Variants in NRBP1 observed in about 807,000 individuals in gnomAD.
NRBP1 encodes nuclear receptor-binding protein.
A neutral mutation model predicts 76.0 loss-of-function variants in NRBP1; 10 were observed. The observed-to-expected ratio is 0.13, with a 90% CI of 0.08 to 0.22. NRBP1 has a LOEUF of 0.22. NRBP1 is among the 10% of genes least tolerant of loss of function. NRBP1 has a pLI of 1.00. For synonymous variants in NRBP1, 235 were observed against 240.2 expected, an observed-to-expected ratio of 0.98 and a Z score of 0.20; for missense variants, 344 against 646.0, an observed-to-expected ratio of 0.53 and a Z score of 5.07.
chr2:27,432,432 AGGT>A (rs1012502264), intron 1 of NRBP1, among the ~76,000 whole-genome samples: 8 of 152,222 alleles, frequency 5.3e-5, no homozygotes, highest in African/African-American at 1.9e-4. Context: ...AAGGAAACAA[AGGT>A]GGTGTGTGTT....
intron 11 of NRBP1, 71 bp from the exon 12 acceptor site, chr2:27,440,332 T>C (rs1466054163): frequency 3.8e-6 from 4 of 1,060,394 alleles, no homozygotes; most frequent in Admixed American, 1.7e-5. Flanking sequence ...TTTACCCCTT[T>C]GCCTGCATGC....
chr2:27,434,993 C>G (rs1664250243), intron 6 of NRBP1, 140 bp from the exon 7 acceptor site: 1 of 660,924 alleles, frequency 1.5e-6, no homozygotes, highest in Non-Finnish European at 2.7e-6. Context: ...TTTAAATCAT[C>G]AGGCATAATG....
rs1308856155 is a variant in NRBP1 at position 27,437,368 on chromosome 2, T to G, written c.903+8T>G. 6.2e-7 allele frequency: 1 copy of G among 1,601,044 alleles called. No individual in the cohort carries two copies. Among genetic ancestry groups the G allele is most frequent in the Non-Finnish European group, 8.6e-7 (1 of 1,168,768 alleles). On this transcript the variant is annotated splice_region_variant and intron_variant, in intron 10 of 17. Transcript: ENST00000379852. ...GAAGACCCATTACAGAGGGTAAGGA[T>G]CTTCAGGATCACTCCCTCCTCAACT... is the stretch of plus-strand genomic sequence containing the variant.
Position 27,434,342 on chromosome 2 carries a change from T to C in NRBP1, c.436-129T>C, listed in dbSNP as rs1446178827. On this transcript the variant is annotated intron_variant, in intron 4 of 17. Transcript: ENST00000379852. ...CATTGCTTGTTTTCATTGCCCTATT[T>C]AGTCTAAGTAAGTAAAGCTAAGAAC... 4 of 774,938 alleles carry C rather than the reference T, an allele frequency of 5.2e-6. No homozygotes were observed. In the East Asian group the frequency reaches 9.8e-5, roughly 19 times the overall value. The allele number at this position is 774,938 out of a possible 1,614,324, so 48.0% of individuals were successfully genotyped here.
In NRBP1 at chr2:27,436,748, C is replaced by G. The variant is rs367669742; in HGVS notation, c.662-5C>G. ...TCAGATTGTGGGTGTCTCCCCTACT[C>G]CCAGTGGCTCCTGACACTATCAACA... On this transcript the variant is annotated splice_region_variant and splice_polypyrimidine_tract_variant and intron_variant, in intron 7 of 17. Transcript: ENST00000379852. 3 of 1,612,882 alleles carry G rather than the reference C, an allele frequency of 1.9e-6. No individual in the cohort carries two copies. The highest frequency in any genetic ancestry group is 8.5e-7 in the Non-Finnish European group (1 of 1,178,898).
rs759461944 is a variant in NRBP1 at position 27,437,060 on chromosome 2, G to C, written c.759G>C (p.Val253=). ...FAPEYGEVTN[V]TTAVDIYSFG... is the part of the protein sequence containing the mutation. ...TGTTTTCCCTAGAAGTCACTAATGTGACAACAGCAGTGGACATCTACTCCT... is the reference window on the plus strand; with the variant it reads ...TGTTTTCCCTAGAAGTCACTAATGTCACAACAGCAGTGGACATCTACTCCT... Residue 253 remains valine, a synonymous_variant, in exon 9 of 18, where the codon GTG becomes GTC. Coordinates refer to ENST00000379852, the MANE Select transcript of NRBP1 (RefSeq NM_013392.4). 4.3e-6 allele frequency: 7 copies of C among 1,612,986 alleles called. No individual in the cohort carries two copies. Among genetic ancestry groups the C allele is most frequent in the Middle Eastern group, 1.7e-4 (1 of 6,060 alleles).
chr2:27,431,001 C>A (rs1282260186), intron 1 of NRBP1, among the ~76,000 whole-genome samples: 2 of 152,176 alleles, frequency 1.3e-5, no homozygotes, highest in African/African-American at 4.8e-5. Flanking sequence ...GTTATTTATA[C>A]TTGTAAGAAA....
chr2:27,440,562 G>A (rs1664499800), intron 12 of NRBP1, 54 bp downstream of exon 12: 1 of 1,598,826 alleles, frequency 6.3e-7, no homozygotes, highest in Admixed American at 1.7e-5. Context: ...CACTCTTGAG[G>A]CTCTGTAAAC....
chr2:27,440,748 G>A (rs1178267221), intron 13 of NRBP1, 46 bp downstream of exon 13: 3 of 1,614,160 alleles, frequency 1.9e-6, no homozygotes, highest in East Asian at 4.5e-5. Flanking sequence ...AGCAGGCGGG[G>A]TTGGGTATCC....
In NRBP1 at chr2:27,439,917, A is replaced by C; in HGVS notation, c.1036+19A>C. 1 of 1,526,286 alleles carries C rather than the reference A, an allele frequency of 6.6e-7. No homozygotes were observed. Among genetic ancestry groups the C allele is most frequent in the South Asian group, 1.1e-5 (1 of 89,596 alleles). The allele number at this position is 1,526,286 out of a possible 1,614,324, so 94.5% of individuals were successfully genotyped here. A position where few individuals can be genotyped will look rare whatever the true frequency, so the allele number is the denominator to read the frequency against. On this transcript the variant is annotated intron_variant, in intron 11 of 17. Transcript: ENST00000379852. ...CACCAACGTGAGTCGTCTTGGCCCT[A>C]TGGGGAATAGTCTTCCAATCTGGAG...
At chr2:27,437,609 C>A (rs1056367193) in intron 10 of NRBP1, among the ~76,000 whole-genome samples, 1 of 152,114 alleles carries the variant, frequency 6.6e-6, no homozygotes, top group African/African-American at 2.4e-5. Flanking sequence ...TGGTGGCTCA[C>A]GCCTGTAATC....
In NRBP1 at chr2:27,433,812, A is replaced by C. The variant is rs776384002; in HGVS notation, c.333+17A>C. On this transcript the variant is annotated intron_variant, in intron 3 of 17. Transcript: ENST00000379852. ...CTGCAGGAGGTAGGTGATGCTGAAAAGGTGAAGCCTGGGGAATGTTGGAAC... is the reference window on the plus strand; with the variant it reads ...CTGCAGGAGGTAGGTGATGCTGAAACGGTGAAGCCTGGGGAATGTTGGAAC... 6.2e-7 allele frequency: 1 copy of C among 1,614,048 alleles called. No individual in the cohort carries two copies. The highest frequency in any genetic ancestry group is 8.5e-7 in the Non-Finnish European group (1 of 1,179,982).
In NRBP1 at chr2:27,441,115, T is replaced by C. The variant is rs1409840963; in HGVS notation, c.1330-12T>C. The C allele has an allele frequency of 6.2e-7, 1 of 1,613,000 alleles. No individual in the cohort carries two copies. The highest frequency in any genetic ancestry group is 8.5e-7 in the Non-Finnish European group (1 of 1,179,904). On this transcript the variant is annotated splice_polypyrimidine_tract_variant and intron_variant, in intron 14 of 17. Transcript: ENST00000379852. ...GACAGGTCTCTAGAGTGACCCTCTC[T>C]TCCCTCCCTAGGTGGTGCTGATGCA...
At position 27,441,177 on chromosome 2, in the gene NRBP1, C is replaced by T; in HGVS notation, c.1380C>T (p.His460=). ...AGTCGGTGGAGGAGGGAGTCAAACA[C>T]CACGTAAGGCTCAGGGCTAGGGTTG... ...NIESVEEGVK[H]HLTLLLKLED... Residue 460 remains histidine (H), a synonymous_variant, in exon 15 of 18, where the codon CAC becomes CAT. Coordinates refer to ENST00000379852, the MANE Select transcript of NRBP1 (RefSeq NM_013392.4). The T allele has an allele frequency of 1.2e-6, 2 of 1,614,000 alleles. No individual in the cohort carries two copies. Among genetic ancestry groups the T allele is most frequent in the Non-Finnish European group, 1.7e-6 (2 of 1,179,968 alleles).
chr2:27,433,118 A>G (rs1664167209), intron 1 of NRBP1, 136 bp from the exon 2 acceptor site: 5 of 580,458 alleles, frequency 8.6e-6, no homozygotes, highest in Middle Eastern at 9.5e-4. Flanking sequence ...ACCTCAGGTG[A>G]TCTGCCCACC....
At chr2:27,436,016 C>T in intron 7 of NRBP1, 1 of 570,700 alleles carries the variant, frequency 1.8e-6, no homozygotes, top group South Asian at 2.1e-5. Context: ...ATACTGTGCT[C>T]CCAGATTCTC....
chr2:27,437,852 G>T lies in NRBP1; in HGVS notation c.903+492G>T, dbSNP rs1477527280. Among the ~76,000 whole-genome samples the T allele has an allele frequency of 1.2e-4, 17 of 143,742 alleles. No individual in the cohort carries two copies. In the East Asian group the frequency reaches 3.6e-3, roughly 30 times the overall value. 94.3% of individuals were successfully genotyped at this position (143,742 alleles called of 152,430 possible). A position where few individuals can be genotyped will look rare whatever the true frequency, so the allele number is the denominator to read the frequency against. ...CGCGCCACTGCACTCCAGCCTGGGCGACACAGGTAGACTCCGTCTCAGAAA... is the reference window on the plus strand; with the variant it reads ...CGCGCCACTGCACTCCAGCCTGGGCTACACAGGTAGACTCCGTCTCAGAAA... On this transcript the variant is annotated intron_variant, in intron 10 of 17. Transcript: ENST00000379852.
intron 10 of NRBP1, 100 bp from the exon 11 acceptor site, chr2:27,439,666 C>A: frequency 7.2e-7 from 1 of 1,391,792 alleles, no homozygotes; most frequent in South Asian, 1.4e-5. Flanking sequence ...TGAGCACCTA[C>A]TATGTACAAA....
intron 1 of NRBP1, among the ~76,000 whole-genome samples, chr2:27,430,964 C>A (rs1470566540): frequency 6.6e-6 from 1 of 152,180 alleles, no homozygotes; most frequent in Non-Finnish European, 1.5e-5. Context: ...CTGTATAATA[C>A]TTTTTCCTAT....
Sources: gnomAD v4.1 joint callset for allele counts (sites outside exome capture counted in the v4.1 genomes callset) on GRCh38, gnomAD v4.1.1 for gene constraint, MANE v1.5 for transcripts, NCBI Gene and HGNC (gene_info 2026-07-23, HGNC 2026-07-21) for gene names.